The following NARS2 variants were observed in gnomAD, a reference collection of about 807,000 sequenced individuals.
NARS2 encodes asparaginyl-tRNA synthetase.
A neutral mutation model predicts 62.9 loss-of-function variants in NARS2; 60 were observed. The ratio of observed to expected loss-of-function variants is 0.95; its 90% CI spans 0.77 to 1.18. The LOEUF is 1.18. Among genes scored for constraint, NARS2 ranks in the 50% most tolerant of loss-of-function variants. NARS2 has a pLI of 0.00. For synonymous variants in NARS2, 196 were observed against 200.0 expected (o/e 0.98, Z 0.17); for missense variants, 619 against 576.4 (o/e 1.07, Z -0.76).
chr11:78,552,291 C>T (rs1856156716), intron 5 of NARS2, among the ~76,000 whole-genome samples: 1 of 152,184 alleles, frequency 6.6e-6, no homozygotes, highest in South Asian at 2.1e-4. Context: ...TGATAGCCTC[C>T]AGTTCCATCC....
intron 5 of NARS2, among the ~76,000 whole-genome samples, chr11:78,543,200 T>G (rs906412085): frequency 3.3e-5 from 5 of 152,162 alleles, no homozygotes; most frequent in Non-Finnish European, 7.3e-5. Context: ...TAAGCCATTA[T>G]AAAGCATACT....
rs141879612 is a variant in NARS2 at position 78,486,873 on chromosome 11, G to A, written c.822+6190C>T. Among the ~76,000 whole-genome samples the A allele has an allele frequency of 1.8e-3, 270 of 152,108 alleles. 3 individuals carry two copies. Among genetic ancestry groups the A allele is most frequent in the African/African-American group, 6.3e-3 (261 of 41,520 alleles). ...ACAGGTAAAGGGAAACATTCTTAAAGAGAAAGACTGAACTTCTCAGTGGAG... is the reference window on the plus strand; with the variant it reads ...ACAGGTAAAGGGAAACATTCTTAAAAAGAAAGACTGAACTTCTCAGTGGAG... On this transcript the variant is annotated intron_variant, in intron 7 of 13. Coordinates refer to ENST00000281038, the MANE Select transcript of NARS2 (RefSeq NM_024678.6).
intron 6 of NARS2, among the ~76,000 whole-genome samples, chr11:78,520,723 T>C (rs1406113354): frequency 6.6e-6 from 1 of 152,192 alleles, no homozygotes; most frequent in African/African-American, 2.4e-5. Flanking sequence ...TTATTCATCA[T>C]TACTAATTGT....
At chr11:78,506,679 C>T (rs1459090844) in intron 6 of NARS2, among the ~76,000 whole-genome samples, 4 of 152,178 alleles carry the variant, frequency 2.6e-5, no homozygotes, top group Non-Finnish European at 5.9e-5. Context: ...GGACTACAGG[C>T]AATGTGCCAC....
intron 11 of NARS2, among the ~76,000 whole-genome samples, chr11:78,460,271 A>ATTT (rs112389422): frequency 1.1e-3 from 159 of 145,254 alleles, no homozygotes; most frequent in Admixed American, 1.7e-3. Context: ...GATTGGGTTA[A>ATTT]TTTTTTTTTT....
chr11:78,514,423 G>A (rs913395934), intron 6 of NARS2, among the ~76,000 whole-genome samples: 1 of 152,100 alleles, frequency 6.6e-6, no homozygotes, highest in African/African-American at 2.4e-5. Flanking sequence ...TGCCTGGTCA[G>A]GTATTTCTTT....
chr11:78,522,928 A>G (rs1387714166), intron 6 of NARS2, among the ~76,000 whole-genome samples: 1 of 152,218 alleles, frequency 6.6e-6, no homozygotes, highest in African/African-American at 2.4e-5. Context: ...GCCCATCTGG[A>G]GTACTTTCAA....
chr11:78,559,681 T>G, intron 4 of NARS2, 62 bp from the exon 5 acceptor site: 6 of 1,115,642 alleles, frequency 5.4e-6, no homozygotes, highest in Non-Finnish European at 8.2e-6. Context: ...AGAACACACA[T>G]CCTCTTATAG....
At chr11:78,476,497 C>A (rs116121880) in intron 9 of NARS2, among the ~76,000 whole-genome samples, 1,649 of 152,290 alleles carry the variant, frequency 0.011, 34 homozygotes, top group African/African-American at 0.039. Context: ...TTGCTCCTAC[C>A]CTTCTAATGC....
chr11:78,474,833 A>G (rs1052378519), intron 9 of NARS2, among the ~76,000 whole-genome samples: 1 of 152,228 alleles, frequency 6.6e-6, no homozygotes, highest in African/African-American at 2.4e-5. Context: ...TTTACAGGAT[A>G]CAATGTGTTT....
At chr11:78,573,766 G>T (rs1196575974) in intron 1 of NARS2, among the ~76,000 whole-genome samples, 1 of 152,180 alleles carries the variant, frequency 6.6e-6, no homozygotes, top group Non-Finnish European at 1.5e-5. Flanking sequence ...TTCCATAAGA[G>T]GAAAATAAGG....
chr11:78,527,246 C>G (rs932244181), intron 6 of NARS2, among the ~76,000 whole-genome samples: 2 of 152,156 alleles, frequency 1.3e-5, no homozygotes, highest in African/African-American at 4.8e-5. Context: ...AAACAGTTTT[C>G]TATTTTACTT....
intron 10 of NARS2, among the ~76,000 whole-genome samples, chr11:78,468,495 C>G (rs922954259): frequency 6.6e-6 from 1 of 150,754 alleles, no homozygotes; most frequent in Admixed American, 6.6e-5. Flanking sequence ...GACTCTGCCC[C>G]CCGGGTTCAT....
intron 11 of NARS2, among the ~76,000 whole-genome samples, chr11:78,457,431 C>T (rs1858206033): frequency 6.6e-6 from 1 of 152,126 alleles, no homozygotes; most frequent in South Asian, 2.1e-4. Context: ...AGAATTTAGT[C>T]ATCTGGCCCA....
At chr11:78,468,292 T>C (rs1211929249) in intron 10 of NARS2, among the ~76,000 whole-genome samples, 1 of 107,906 alleles carries the variant, frequency 9.3e-6, no homozygotes, top group Non-Finnish European at 1.7e-5. Context: ...CAAACCTGCT[T>C]CTGCAAGCAC....
chr11:78,549,947 T>C (rs1313625999), intron 5 of NARS2, among the ~76,000 whole-genome samples: 1 of 152,108 alleles, frequency 6.6e-6, no homozygotes, highest in Non-Finnish European at 1.5e-5. Flanking sequence ...TTAAAGTCTT[T>C]TAAGGCAAAA....
At position 78,493,392 on chromosome 11, in the gene NARS2, G is replaced by A. The variant is rs114927486; in HGVS notation, c.690-197C>T. On this transcript the variant is annotated intron_variant, in intron 6 of 13. Coordinates refer to ENST00000281038, the MANE Select transcript of NARS2 (RefSeq NM_024678.6). ...ATTAAAAATGTTACATTGAGGCTGG[G>A]CACAGTGGCTCAGGTCTGTAATCCT... 0.016 allele frequency among the ~76,000 whole-genome samples: 2,462 copies of A among 152,280 alleles called. 56 individuals are homozygous for A. The highest frequency in any genetic ancestry group is 0.056 in the African/African-American group (2,319 of 41,542).
intron 6 of NARS2, among the ~76,000 whole-genome samples, chr11:78,509,386 TAAAG>T (rs1362475580): frequency 6.6e-6 from 1 of 152,140 alleles, no homozygotes; most frequent in Non-Finnish European, 1.5e-5. Flanking sequence ...TGAAGCTATA[TAAAG>T]AAATAAAGAT....
chr11:78,465,213 G>T (rs1459905424), intron 11 of NARS2, among the ~76,000 whole-genome samples: 2 of 152,192 alleles, frequency 1.3e-5, no homozygotes, highest in Admixed American at 1.3e-4. Context: ...GGCCCGCCGA[G>T]CCCACACCCA....
Sources: gnomAD v4.1 joint callset for allele counts (sites outside exome capture counted in the v4.1 genomes callset) on GRCh38, gnomAD v4.1.1 for gene constraint, MANE v1.5 for transcripts, NCBI Gene and HGNC (gene_info 2026-07-23, HGNC 2026-07-21) for gene names.